Variants in RCOR1 observed in about 807,000 individuals in gnomAD.
The protein encoded by RCOR1 is REST corepressor 1.
In RCOR1, 12 loss-of-function variants were observed where a neutral mutation model predicts 64.0. The ratio of observed to expected loss-of-function variants is 0.19; its 90% CI spans 0.12 to 0.30. RCOR1 has a LOEUF of 0.30. Among genes scored for constraint, RCOR1 ranks in the 10% least tolerant of loss-of-function variants. The pLI is 1.00. For synonymous variants in RCOR1, 279 were observed against 227.2 expected (o/e 1.23, Z -2.05); for missense variants, 502 against 621.2 (o/e 0.81, Z 2.04).
intron 2 of RCOR1, among the ~76,000 whole-genome samples, chr14:102,677,057 G>A (rs1316113263): frequency 1.8e-4 from 21 of 119,558 alleles, no homozygotes; most frequent in African/African-American, 6.6e-4. Context: ...CCTCCCGGAC[G>A]GGGCGGCTGG....
At chr14:102,637,186 G>A (rs1894260965) in intron 2 of RCOR1, among the ~76,000 whole-genome samples, 2 of 150,382 alleles carry the variant, frequency 1.3e-5, no homozygotes, top group African/African-American at 4.9e-5. Flanking sequence ...GAGTGCAGTG[G>A]CACAATCTCG....
chr14:102,689,089 G>A (rs900248360), intron 3 of RCOR1, among the ~76,000 whole-genome samples: 1 of 152,118 alleles, frequency 6.6e-6, no homozygotes, highest in Admixed American at 6.6e-5. Flanking sequence ...TTTGGACTTC[G>A]TTTGTTTAGA....
At chr14:102,705,984 C>T (rs1360090966) in intron 4 of RCOR1, among the ~76,000 whole-genome samples, 2 of 151,242 alleles carry the variant, frequency 1.3e-5, no homozygotes, top group Non-Finnish European at 3.0e-5. Flanking sequence ...TGGTGGCACG[C>T]ACCTGTAGTC....
At chr14:102,658,108 G>A in intron 2 of RCOR1, 1 of 230,304 alleles carries the variant, frequency 4.3e-6, no homozygotes, top group Non-Finnish European at 7.2e-6. Flanking sequence ...CCAAGTAATT[G>A]GGATTACAGA....
intron 2 of RCOR1, among the ~76,000 whole-genome samples, chr14:102,621,424 G>C (rs1250961799): frequency 1.5e-5 from 2 of 132,966 alleles, no homozygotes; most frequent in African/African-American, 2.9e-5. Flanking sequence ...CACCCAAGCT[G>C]GAGTGCACTG....
rs1374346052 is a variant in RCOR1, at chr14:102,592,901, G to A, written c.15G>A (p.Val5=). The change falls in exon 1 of 12, where the codon GTG becomes GTA. Residue 5 remains valine, a synonymous_variant. Coordinates refer to ENST00000262241, the MANE Select transcript of RCOR1 (RefSeq NM_015156.4). MPAM[V]EKGPEVSGKR... is the part of the protein sequence containing the mutation. ...GGCCCCCGCCGATGCCGGCCATGGT[G>A]GAGAAGGGCCCCGAGGTCTCAGGGA... 8.1e-7 allele frequency: 1 copy of A among 1,237,650 alleles called. No homozygotes were observed. The highest frequency in any genetic ancestry group is 2.4e-5 in the South Asian group (1 of 42,538). 76.7% of individuals were successfully genotyped at this position (1,237,650 alleles called of 1,614,324 possible).
intron 6 of RCOR1, among the ~76,000 whole-genome samples, chr14:102,709,149 G>T (rs1299547799): frequency 6.6e-6 from 1 of 152,214 alleles, no homozygotes; most frequent in African/African-American, 2.4e-5. Flanking sequence ...TCAGAAATGG[G>T]CTCTGGTCTC....
intron 2 of RCOR1, among the ~76,000 whole-genome samples, chr14:102,670,705 C>G (rs1895015068): frequency 1.3e-5 from 2 of 150,066 alleles, no homozygotes; most frequent in African/African-American, 2.5e-5. Context: ...TTGTTAAAAC[C>G]TGTAATTGTG....
In RCOR1 at chr14:102,599,803, G is replaced by GTT. The variant is rs758594132; in HGVS notation, c.361+6481_361+6482dup. Among the ~76,000 whole-genome samples, 112 of 93,832 alleles carry GTT rather than the reference G, an allele frequency of 1.2e-3. 1 individual carries two copies. Among genetic ancestry groups the GTT allele is most frequent in the African/African-American group, 3.9e-3 (111 of 28,780 alleles). The allele number at this position is 93,832 out of a possible 152,430, so 61.6% of individuals were successfully genotyped here. On this transcript the variant is annotated intron_variant, in intron 2 of 11. Coordinates refer to ENST00000262241, the MANE Select transcript of RCOR1 (RefSeq NM_015156.4). ...GGTGAATGCTTTGTGGTTTTGTTTT[G>GTT]TTTTGTTTTTTTTTTTTGAAACAAG...
Position 102,729,823 on chromosome 14 carries a change from T to C in RCOR1, c.*3317T>C. On this transcript the variant is annotated 3_prime_UTR_variant, in exon 12 of 12. Coordinates refer to ENST00000262241, the MANE Select transcript of RCOR1 (RefSeq NM_015156.4). The stretch of plus-strand genomic sequence containing the variant: ...ACTGGATCCCTGCTTTTATGTGAGC[T>C]AAGGAAAGATGGAGCCAACTCCAAC... 2.5e-6 allele frequency: 1 copy of C among 399,084 alleles called. No individual in the cohort carries two copies. Among genetic ancestry groups the C allele is most frequent in the East Asian group, 3.6e-5 (1 of 28,090 alleles). 24.7% of individuals were successfully genotyped at this position (399,084 alleles called of 1,614,324 possible).
chr14:102,724,235 T>C (rs1423624563), intron 11 of RCOR1, among the ~76,000 whole-genome samples: 2 of 152,214 alleles, frequency 1.3e-5, no homozygotes, highest in African/African-American at 4.8e-5. Flanking sequence ...AGAATGGTAT[T>C]ATCTAACTCG....
At chr14:102,673,000 G>C (rs1479429220) in intron 2 of RCOR1, among the ~76,000 whole-genome samples, 2 of 152,094 alleles carry the variant, frequency 1.3e-5, no homozygotes, top group African/African-American at 2.4e-5. Flanking sequence ...TACAGTGAAG[G>C]GTTTCTCACA....
chr14:102,597,676 G>T (rs1464576914), intron 2 of RCOR1, among the ~76,000 whole-genome samples: 1 of 86,490 alleles, frequency 1.2e-5, no homozygotes, highest in Non-Finnish European at 2.1e-5. Context: ...TTTCTATGTT[G>T]CCCAGGCTGG....
chr14:102,605,294 G>A (rs1223332180), intron 2 of RCOR1, among the ~76,000 whole-genome samples: 1 of 152,112 alleles, frequency 6.6e-6, no homozygotes, highest in East Asian at 1.9e-4. Context: ...ATTGGACTGA[G>A]TTGCTTTATT....
chr14:102,632,637 TC>T (rs1894140184), intron 2 of RCOR1, among the ~76,000 whole-genome samples: 2 of 59,422 alleles, frequency 3.4e-5, no homozygotes, highest in Non-Finnish European at 3.9e-5. Flanking sequence ...TCCTTTCCTT[TC>T]CTTTCCTTTC....
At chr14:102,596,408 ATGT>A (rs1893249219) in intron 2 of RCOR1, among the ~76,000 whole-genome samples, 1 of 151,936 alleles carries the variant, frequency 6.6e-6, no homozygotes, top group Non-Finnish European at 1.5e-5. Flanking sequence ...CAGCCAACTG[ATGT>A]TTGTTTTATA....
intron 2 of RCOR1, among the ~76,000 whole-genome samples, chr14:102,605,511 C>G (rs1893487781): frequency 6.6e-6 from 1 of 152,144 alleles, no homozygotes; most frequent in Non-Finnish European, 1.5e-5. Context: ...TTCACCTTGT[C>G]TATAGTGCAA....
At chr14:102,701,408 G>T (rs1370472728) in intron 4 of RCOR1, 78 bp downstream of exon 4, 2 of 1,119,266 alleles carry the variant, frequency 1.8e-6, no homozygotes, top group Non-Finnish European at 1.2e-6. Context: ...TTTCTTCTTT[G>T]TATTGAGTAG....
intron 2 of RCOR1, 42 bp downstream of exon 2, chr14:102,593,367 G>C (rs1462020378): frequency 2.0e-6 from 3 of 1,486,472 alleles, no homozygotes; most frequent in African/African-American, 2.9e-5. Flanking sequence ...GGATGAGCGG[G>C]AGCCCCGGGT....
Sources: gnomAD v4.1 joint callset for allele counts (sites outside exome capture counted in the v4.1 genomes callset) on GRCh38, gnomAD v4.1.1 for gene constraint, MANE v1.5 for transcripts, NCBI Gene and HGNC (gene_info 2026-07-23, HGNC 2026-07-21) for gene names.